MAGI2: variants seen among roughly 807,000 people sequenced by gnomAD.
MAGI2 encodes membrane-associated guanylate kinase, WW and PDZ domain-containing protein 2.
A neutral mutation model predicts 133.3 loss-of-function variants in MAGI2; 35 were observed. The ratio of observed to expected loss-of-function variants is 0.26; its 90% confidence interval spans 0.20 to 0.35. The LOEUF (loss-of-function observed/expected upper bound fraction) is 0.35, where lower values mean the gene tolerates loss of function less well. MAGI2 is among the 10% of genes least tolerant of loss of function. The pLI is 1.00. For missense variants in MAGI2, 1,636 were observed against 1,863.4 expected (o/e 0.88, Z 2.25); for synonymous variants, 729 against 710.6 (o/e 1.03, Z -0.41).
At chr7:78,057,977 G>GTGTGTATATATATATATATA (rs762943472) in intron 21 of MAGI2, among the ~76,000 whole-genome samples, 1 of 106,612 alleles carries the variant, frequency 9.4e-6, no homozygotes, top group African/African-American at 3.4e-5. Context: ...ATATATATGT[G>GTGTGTATATATATATATATA]TATATATATA....
intron 2 of MAGI2, among the ~76,000 whole-genome samples, chr7:78,850,815 A>G (rs1793065438): frequency 6.6e-6 from 1 of 152,106 alleles, no homozygotes. Context: ...GACATTTTTA[A>G]TTGCTCATTA....
chr7:79,430,556 T>A (rs1009799628), intron 1 of MAGI2, among the ~76,000 whole-genome samples: 5 of 152,170 alleles, frequency 3.3e-5, no homozygotes, highest in Non-Finnish European at 7.3e-5. Flanking sequence ...CAATTGCCAG[T>A]TCCACAACCT....
chr7:78,686,371 T>G (rs1013562156), intron 2 of MAGI2, among the ~76,000 whole-genome samples: 5 of 152,144 alleles, frequency 3.3e-5, no homozygotes, highest in African/African-American at 1.2e-4. Context: ...TCTCCCCTCC[T>G]TACACACCCA....
At chr7:79,018,284 A>T (rs769202072) in intron 1 of MAGI2, among the ~76,000 whole-genome samples, 2 of 152,146 alleles carry the variant, frequency 1.3e-5, no homozygotes, top group Non-Finnish European at 2.9e-5. Context: ...AGAATTTCAT[A>T]TATGGTCTAA....
intron 16 of MAGI2, among the ~76,000 whole-genome samples, chr7:78,147,277 C>G (rs1388796120): frequency 6.6e-6 from 1 of 152,172 alleles, no homozygotes; most frequent in African/African-American, 2.4e-5. Flanking sequence ...GCAGTGTGAC[C>G]TCTGAATGGT....
In MAGI2 at chr7:78,884,270, G is replaced by A. The variant is rs114142997; in HGVS notation, c.418+122820C>T. Among the ~76,000 whole-genome samples the A allele has an allele frequency of 2.1e-3, 318 of 152,226 alleles. 3 individuals carry two copies. Among genetic ancestry groups the A allele is most frequent in the African/African-American group, 7.3e-3 (305 of 41,546 alleles). On this transcript the variant is annotated intron_variant, in intron 2 of 21. Coordinates refer to ENST00000354212, the MANE Select transcript of MAGI2 (RefSeq NM_012301.4). ...AGGCAAGAAGATCACTTAAGCCCAG[G>A]ACTTCAAGACCAGCTTGAGTGACTT...
At chr7:78,524,924 C>A (rs1185529018) in intron 3 of MAGI2, among the ~76,000 whole-genome samples, 1 of 149,914 alleles carries the variant, frequency 6.7e-6, no homozygotes, top group Admixed American at 6.7e-5. Context: ...ATACATAGTA[C>A]TAAGCAAAAT....
chr7:78,216,198 A>G (rs865858810), intron 10 of MAGI2, among the ~76,000 whole-genome samples: 1 of 152,254 alleles, frequency 6.6e-6, no homozygotes, highest in Non-Finnish European at 1.5e-5. Flanking sequence ...AACCTGTGCC[A>G]TAGCAATTCA....
At chr7:78,424,286 C>G (rs1440040552) in intron 6 of MAGI2, among the ~76,000 whole-genome samples, 1 of 152,160 alleles carries the variant, frequency 6.6e-6, no homozygotes, top group South Asian at 2.1e-4. Context: ...TGGCATTGAG[C>G]CTGCAGGTGC....
intron 1 of MAGI2, among the ~76,000 whole-genome samples, chr7:79,008,497 C>CA (rs1807703061): frequency 6.6e-6 from 1 of 152,096 alleles, no homozygotes; most frequent in Non-Finnish European, 1.5e-5. Flanking sequence ...AATTAACTGT[C>CA]AAAATTCTTA....
intron 1 of MAGI2, among the ~76,000 whole-genome samples, chr7:79,282,324 G>C (rs1162956666): frequency 6.6e-6 from 1 of 152,138 alleles, no homozygotes; most frequent in African/African-American, 2.4e-5. Flanking sequence ...ATAGCCTCCA[G>C]ATGAGAATTA....
At chr7:78,036,975 C>T (rs2151075595) in intron 21 of MAGI2, among the ~76,000 whole-genome samples, 1 of 152,250 alleles carries the variant, frequency 6.6e-6, no homozygotes, top group East Asian at 1.9e-4. Flanking sequence ...GTAGGTGTAT[C>T]ACTTCTTTCC....
intron 2 of MAGI2, among the ~76,000 whole-genome samples, chr7:78,879,306 A>G (rs995795287): frequency 6.6e-6 from 1 of 152,192 alleles, no homozygotes; most frequent in African/African-American, 2.4e-5. Context: ...GGATCAGCCC[A>G]TTGCCTGGGG....
intron 1 of MAGI2, among the ~76,000 whole-genome samples, chr7:79,176,253 G>A (rs1458748568): frequency 2.0e-5 from 3 of 151,858 alleles, no homozygotes; most frequent in African/African-American, 4.8e-5. Context: ...CTTGCTTACA[G>A]TCAGTCCCCT....
intron 2 of MAGI2, among the ~76,000 whole-genome samples, chr7:78,812,818 G>A (rs1259232945): frequency 1.3e-5 from 2 of 152,120 alleles, no homozygotes; most frequent in South Asian, 4.1e-4. Context: ...TGGGACTGAT[G>A]AGCCCATTGC....
intron 6 of MAGI2, among the ~76,000 whole-genome samples, chr7:78,403,337 T>C (rs1297172506): frequency 6.6e-6 from 1 of 152,224 alleles, no homozygotes; most frequent in African/African-American, 2.4e-5. Flanking sequence ...ACTCATCCTT[T>C]GTTATGGCTG....
intron 9 of MAGI2, among the ~76,000 whole-genome samples, chr7:78,293,024 G>A (rs998725147): frequency 1.8e-4 from 27 of 152,180 alleles, no homozygotes; most frequent in Admixed American, 9.8e-4. Flanking sequence ...ATAGGCATGG[G>A]CGAAGACTTT....
rs529670337 is a variant in MAGI2 at position 79,087,946 on chromosome 7, T to C, written c.302-80740A>G. Among the ~76,000 whole-genome samples, 302 of 152,228 alleles carry C rather than the reference T, an allele frequency of 2.0e-3. 1 individual carries two copies. The highest frequency in any genetic ancestry group is 3.1e-3 in the Non-Finnish European group (210 of 68,000). On this transcript the variant is annotated intron_variant, in intron 1 of 21. Coordinates refer to ENST00000354212, the MANE Select transcript of MAGI2 (RefSeq NM_012301.4). ...CAGTAGCGTGATGCCTCCAGCTTTG[T>C]TCTTTTGGATTAGGATTATTTTTAC... is the stretch of plus-strand genomic sequence containing the variant.
intron 7 of MAGI2, among the ~76,000 whole-genome samples, chr7:78,349,811 C>T (rs6976483): frequency 0.48 from 72,880 of 152,036 alleles, 17,904 homozygotes; most frequent in African/African-American, 0.52. Context: ...AGAAACTTGT[C>T]TTCCTTATGC....
Sources: allele counts gnomAD v4.1 joint callset (sites outside exome capture counted in the v4.1 genomes callset), GRCh38; gene constraint gnomAD v4.1.1; transcripts MANE v1.5; gene names NCBI Gene and HGNC (gene_info 2026-07-23, HGNC 2026-07-21).